ATAD1: variants seen among roughly 807,000 people sequenced by gnomAD.
The protein encoded by ATAD1 is ATPase family AAA domain containing 1.
In ATAD1, 18 loss-of-function variants were observed where a neutral mutation model predicts 42.7. The observed-to-expected ratio is 0.42, with a 90% CI of 0.29 to 0.63. The LOEUF (loss-of-function observed/expected upper bound fraction) is 0.63. Ranked by LOEUF, ATAD1 falls within the 20% of genes least tolerant of loss-of-function variation. ATAD1 has a pLI of 0.19. For synonymous variants in ATAD1, 132 were observed against 143.1 expected, an observed-to-expected ratio of 0.92 and a Z score of 0.55; for missense variants, 294 against 440.4, an observed-to-expected ratio of 0.67 and a Z score of 2.98.
At chr10:87,809,658 T>C (rs1311684907) in intron 2 of ATAD1, among the ~76,000 whole-genome samples, 1 of 151,510 alleles carries the variant, frequency 6.6e-6, no homozygotes, top group African/African-American at 2.4e-5. Flanking sequence ...TATTTATTTA[T>C]TTATTTATTT....
At chr10:87,756,950 A>G (rs768097295) in intron 8 of ATAD1, 28 bp from the exon 9 acceptor site, 13 of 1,558,664 alleles carry the variant, frequency 8.3e-6, no homozygotes, top group Non-Finnish European at 1.1e-5. Flanking sequence ...ACATGCTTAA[A>G]AAACAAAAAT....
chr10:87,831,470 C>T (rs1476402031), intron 1 of ATAD1, among the ~76,000 whole-genome samples: 1 of 152,172 alleles, frequency 6.6e-6, no homozygotes, highest in Non-Finnish European at 1.5e-5. Context: ...AGTGGTGTGA[C>T]CAGTGTAGAT....
At chr10:87,788,594 T>C (rs1274209368) in intron 4 of ATAD1, among the ~76,000 whole-genome samples, 1 of 152,216 alleles carries the variant, frequency 6.6e-6, no homozygotes, top group African/African-American at 2.4e-5. Flanking sequence ...CATAATTTGG[T>C]ATCCACTCTG....
chr10:87,803,530 CTT>C (rs1166368197), intron 2 of ATAD1, among the ~76,000 whole-genome samples: 1 of 152,224 alleles, frequency 6.6e-6, no homozygotes, highest in Non-Finnish European at 1.5e-5. Context: ...CCATTGGTCT[CTT>C]ATCTACTTAT....
intron 5 of ATAD1, among the ~76,000 whole-genome samples, chr10:87,776,628 G>A (rs941719527): frequency 4.0e-5 from 6 of 151,718 alleles, no homozygotes; most frequent in African/African-American, 9.7e-5. Context: ...GCCACCATGC[G>A]GAGCTAATTT....
At chr10:87,773,765 T>C (rs1327418848) in intron 6 of ATAD1, among the ~76,000 whole-genome samples, 1 of 152,212 alleles carries the variant, frequency 6.6e-6, no homozygotes, top group East Asian at 1.9e-4. Flanking sequence ...ATTGCCTCTA[T>C]ATCCCCTGCT....
intron 2 of ATAD1, among the ~76,000 whole-genome samples, chr10:87,811,107 C>T (rs1234143104): frequency 6.6e-6 from 1 of 152,068 alleles, no homozygotes; most frequent in Non-Finnish European, 1.5e-5. Flanking sequence ...CCAAAGCGGG[C>T]AGATCACTTG....
In ATAD1 at chr10:87,841,133, G is replaced by A. The variant is rs189752585; in HGVS notation, c.-14+54C>T. 35 of 152,208 alleles carry A rather than the reference G, an allele frequency of 2.3e-4. No homozygotes were observed. In the East Asian group the frequency reaches 6.2e-3, roughly 27 times the overall value. 9.4% of individuals were successfully genotyped at this position (152,208 alleles called of 1,614,324 possible). On this transcript the variant is annotated intron_variant, in intron 1 of 4. Transcript: ENST00000495903. ...GAAAGCTAAGATGTAGTTAGGAGTT[G>A]TCAAGCTTTACACTAGAGCCTATAT... is the stretch of plus-strand genomic sequence containing the variant.
chr10:87,802,908 T>C (rs1445494705), intron 2 of ATAD1, among the ~76,000 whole-genome samples: 1 of 152,234 alleles, frequency 6.6e-6, no homozygotes. Context: ...TTCAAAATAA[T>C]GTTTTCAATT....
chr10:87,760,142 ATAATTT>A (rs1463901955), intron 8 of ATAD1, among the ~76,000 whole-genome samples: 7 of 152,318 alleles, frequency 4.6e-5, no homozygotes, highest in African/African-American at 1.7e-4. Flanking sequence ...TTTTACACTT[ATAATTT>A]TATTTCAAGA....
chr10:87,792,788 T>G (rs1856191000), intron 2 of ATAD1, 33 bp from the exon 3 acceptor site: 60 of 1,526,292 alleles, frequency 3.9e-5, no homozygotes, highest in Non-Finnish European at 5.4e-5. Flanking sequence ...CCTGCTTTGA[T>G]TTGATATTTA....
chr10:87,819,715 C>A (rs969403584), upstream of ATAD1, among the ~76,000 whole-genome samples: 1 of 152,190 alleles, frequency 6.6e-6, no homozygotes, highest in African/African-American at 2.4e-5. Flanking sequence ...GCAACAATTT[C>A]ATTGGAACAT....
upstream of ATAD1, among the ~76,000 whole-genome samples, chr10:87,822,399 G>T (rs1436106708): frequency 6.6e-6 from 1 of 152,132 alleles, no homozygotes; most frequent in Non-Finnish European, 1.5e-5. Context: ...AGCTGTACTT[G>T]AAGCTCCAAT....
intron 2 of ATAD1, among the ~76,000 whole-genome samples, chr10:87,808,838 T>C (rs1857049051): frequency 6.6e-6 from 1 of 152,212 alleles, no homozygotes; most frequent in Non-Finnish European, 1.5e-5. Context: ...TATACCAATT[T>C]AGAAGGGAGA....
intron 1 of ATAD1, among the ~76,000 whole-genome samples, chr10:87,817,025 C>T (rs914510834): frequency 6.6e-6 from 1 of 152,164 alleles, no homozygotes; most frequent in Admixed American, 6.5e-5. Context: ...ACACACAAAA[C>T]CCGTTTATAT....
chr10:87,779,893 C>G (rs775591091), intron 5 of ATAD1, among the ~76,000 whole-genome samples: 8 of 152,142 alleles, frequency 5.3e-5, no homozygotes, highest in Non-Finnish European at 8.8e-5. Flanking sequence ...AATGGTACAG[C>G]CACTTTGGAA....
chr10:87,787,128 C>T (rs1285206346), intron 4 of ATAD1, among the ~76,000 whole-genome samples: 1 of 152,114 alleles, frequency 6.6e-6, no homozygotes, highest in African/African-American at 2.4e-5. Context: ...GAATGTGAGG[C>T]ATTTAGCTTT....
chr10:87,806,838 G>A (rs889708285), intron 2 of ATAD1, among the ~76,000 whole-genome samples: 6 of 152,062 alleles, frequency 3.9e-5, no homozygotes, highest in African/African-American at 1.4e-4. Context: ...TTCTCTTTAC[G>A]AGGAAGGACG....
intron 2 of ATAD1, among the ~76,000 whole-genome samples, chr10:87,803,973 G>A (rs1251577008): frequency 6.6e-6 from 1 of 152,046 alleles, no homozygotes; most frequent in Admixed American, 6.6e-5. Flanking sequence ...ATTTACTTCA[G>A]CTTCTCAGTC....
Sources: gnomAD v4.1 joint callset for allele counts (sites outside exome capture counted in the v4.1 genomes callset) on GRCh38, gnomAD v4.1.1 for gene constraint, MANE v1.5 for transcripts, NCBI Gene and HGNC (gene_info 2026-07-23, HGNC 2026-07-21) for gene names.